HSF1: variants seen among roughly 807,000 people sequenced by gnomAD.
HSF1 encodes the protein heat shock factor protein 1.
Under a neutral mutation model 51.7 loss-of-function variants are expected in HSF1, and 32 were observed. The ratio of observed to expected loss-of-function variants is 0.62; its 90% CI spans 0.47 to 0.83. The LOEUF (loss-of-function observed/expected upper bound fraction) is 0.83, where lower values mean the gene tolerates loss of function less well. Among genes scored for constraint, HSF1 ranks in the 40% least tolerant of loss-of-function variants. The pLI is 0.00. For missense variants in HSF1, 727 were observed against 717.0 expected, an observed-to-expected ratio of 1.01 and a Z score of -0.16; for synonymous variants, 396 against 309.7, an observed-to-expected ratio of 1.28 and a Z score of -2.92.
intron 1 of HSF1, among the ~76,000 whole-genome samples, chr8:144,306,937 G>A (rs1221332368): frequency 1.3e-5 from 2 of 152,132 alleles, no homozygotes; most frequent in African/African-American, 2.4e-5. Flanking sequence ...GTGTGTGTGT[G>A]TTGGGGACGC....
chr8:144,295,653 A>G (rs988097683), intron 1 of HSF1, among the ~76,000 whole-genome samples: 1 of 151,520 alleles, frequency 6.6e-6, no homozygotes, highest in Non-Finnish European at 1.5e-5. Flanking sequence ...TCCCAGGCTC[A>G]AGTGATCCAG....
intron 9 of HSF1, chr8:144,312,949 G>T (rs782715632): frequency 1.7e-6 from 1 of 578,164 alleles, no homozygotes; most frequent in Non-Finnish European, 3.1e-6. Context: ...ACGGCCTCTG[G>T]TGTTGGCAGG....
In HSF1 at chr8:144,312,025, C is replaced by T. The variant is rs782539968; in HGVS notation, c.923C>T (p.Pro308Leu). ...KEEPPSPPQSPRVEEASPGRP... is the reference protein window; with the variant it reads ...KEEPPSPPQSLRVEEASPGRP... ...GAGCCCCCCAGCCCGCCTCAGAGCC[C>T]CCGGGTAGAGGAGGCGAGTCCCGGG... The change falls in exon 9 of 13, where the codon CCC becomes CTC. Residue 308 changes from proline to leucine, a missense_variant. Transcript: ENST00000528838. The T allele has an allele frequency of 6.2e-7, 1 of 1,607,722 alleles. No individual in the cohort carries two copies. Among genetic ancestry groups the T allele is most frequent in the South Asian group, 1.1e-5 (1 of 90,776 alleles).
chr8:144,311,290 G>C, intron 5 of HSF1, 31 bp from the exon 6 acceptor site: 1 of 1,613,442 alleles, frequency 6.2e-7, no homozygotes, highest in Non-Finnish European at 8.5e-7. Context: ...CCCCACAAGG[G>C]CCGGGGTAAC....
At position 144,313,829 on chromosome 8, in the gene HSF1, C is replaced by T. The variant is rs782007312; in HGVS notation, c.1249-17C>T. ...CCGCCCCCGGGTGCTGTTCTGACTT[C>T]CCTCCCTCCTCCGCAGCTGTTCAGC... On this transcript the variant is annotated splice_polypyrimidine_tract_variant and intron_variant, in intron 10 of 12. Coordinates refer to ENST00000528838, the MANE Select transcript of HSF1 (RefSeq NM_005526.4). The T allele has an allele frequency of 5.1e-6, 8 of 1,558,730 alleles. No homozygotes were observed. The highest frequency in any genetic ancestry group is 4.6e-5 in the East Asian group (2 of 43,246).
intron 9 of HSF1, chr8:144,312,512 C>T: frequency 4.1e-6 from 4 of 970,208 alleles, no homozygotes; most frequent in Non-Finnish European, 6.3e-6. Context: ...CGCCACAGGC[C>T]ACGGGCCCTG....
rs150095752 is a variant in HSF1 at position 144,298,693 on chromosome 8, C to G, written c.117+6819C>G. Among the ~76,000 whole-genome samples, 24 of 152,314 alleles carry G rather than the reference C, an allele frequency of 1.6e-4. 1 individual carries two copies. The East Asian group carries it at 4.6e-3, about 29-fold the overall frequency. On this transcript the variant is annotated intron_variant, in intron 1 of 12. Coordinates refer to ENST00000528838, the MANE Select transcript of HSF1 (RefSeq NM_005526.4). ...TTTATGTGGAGGGAATTTGCAGACT[C>G]ACGTGCAGAGAACCCAACAAACCCA...
intron 2 of HSF1, 64 bp downstream of exon 2, chr8:144,309,078 G>A: frequency 8.0e-7 from 1 of 1,243,450 alleles, no homozygotes; most frequent in South Asian, 1.2e-5. Context: ...CGGGACCCCA[G>A]CAGGAGGACC....
chr8:144,312,758 C>G (rs373583216), intron 9 of HSF1: 2 of 1,476,202 alleles, frequency 1.4e-6, no homozygotes, highest in East Asian at 2.5e-5. Context: ...TGCCAGCGCT[C>G]GGGCCCTCCC....
At chr8:144,309,714 C>T (rs1554843952) in intron 3 of HSF1, 58 bp from the exon 4 acceptor site, 3 of 1,602,614 alleles carry the variant, frequency 1.9e-6, no homozygotes, top group East Asian at 2.2e-5. Flanking sequence ...GTGGACGAGC[C>T]TGAGCCTGCC....
rs1815569036 is a variant in HSF1 at position 144,297,807 on chromosome 8, G to A, written c.117+5933G>A. 6.6e-6 allele frequency among the ~76,000 whole-genome samples: 1 copy of A among 152,240 alleles called. No homozygotes were observed. The highest frequency in any genetic ancestry group is 6.5e-5 in the Admixed American group (1 of 15,284). On this transcript the variant is annotated intron_variant, in intron 1 of 12. Transcript: ENST00000528838. The surrounding 1 kb of genome is among the most constrained non-coding windows in gnomAD (Gnocchi z 4.6). Reference sequence around the variant, plus strand: ...CTGGAACAAGAGGCTTGTGGCCTGGGCTGTGGGGCCACCTTGTAGAATACG... The same window carrying A: ...CTGGAACAAGAGGCTTGTGGCCTGGACTGTGGGGCCACCTTGTAGAATACG...
intron 1 of HSF1, among the ~76,000 whole-genome samples, chr8:144,304,367 T>C (rs1290926104): frequency 6.6e-6 from 1 of 152,258 alleles, no homozygotes; most frequent in African/African-American, 2.4e-5. Flanking sequence ...TCACAGGAAG[T>C]ACTTCCATGA....
chr8:144,306,123 A>G (rs1816214771), intron 1 of HSF1, among the ~76,000 whole-genome samples: 1 of 152,036 alleles, frequency 6.6e-6, no homozygotes, highest in Admixed American at 6.6e-5. Context: ...CTTTATTGAT[A>G]CTCTCTGATA....
rs781916499 is a variant in HSF1 at position 144,313,513 on chromosome 8, A to G, written c.1145A>G (p.Asn382Ser). 1 of 1,602,312 alleles carries G rather than the reference A, an allele frequency of 6.2e-7. No individual in the cohort carries two copies. The highest frequency in any genetic ancestry group is 1.1e-5 in the South Asian group (1 of 90,894). ...GGTACCGCCTTATCCCGGGCCAGGAATGAGCTCAGTGACCACTTGGATGCT... is the reference window on the plus strand; with the variant it reads ...GGTACCGCCTTATCCCGGGCCAGGAGTGAGCTCAGTGACCACTTGGATGCT... Reference protein sequence around the residue: ...KCLSVACLDKNELSDHLDAMD... With the variant: ...KCLSVACLDKSELSDHLDAMD... Residue 382 changes from asparagine (N) to serine (S), a missense_variant and splice_region_variant, in exon 10 of 13, where the codon AAT becomes AGT. Physicochemically the swap from Asn to Ser is conservative, Grantham distance 46 (BLOSUM62 1). Transcript: ENST00000528838.
chr8:144,301,513 T>C (rs1214522718), intron 1 of HSF1, among the ~76,000 whole-genome samples: 4 of 151,998 alleles, frequency 2.6e-5, no homozygotes, highest in African/African-American at 7.3e-5. Context: ...ACCAAAACCA[T>C]ATCAAGGTAC....
rs541862486 is a variant in HSF1, at chr8:144,311,571, G to T, written c.693G>T (p.Leu231=). Residue 231 remains leucine (L), a synonymous_variant, in exon 7 of 13, where the codon CTG becomes CTT. Coordinates refer to ENST00000528838, the MANE Select transcript of HSF1 (RefSeq NM_005526.4). ...CCAAGTATAGCCGGCAGTTCTCCCT[G>T]GAGCACGTCCACGGCTCGGGCCCCT... ...SMPKYSRQFS[L]EHVHGSGPYS... 3.7e-5 allele frequency: 59 copies of T among 1,613,576 alleles called. No homozygotes were observed. The highest frequency in any genetic ancestry group is 4.7e-5 in the Non-Finnish European group (56 of 1,179,984).
intron 4 of HSF1, 65 bp from the exon 5 acceptor site, chr8:144,311,109 T>C: frequency 6.8e-7 from 1 of 1,460,114 alleles, no homozygotes; most frequent in Non-Finnish European, 9.4e-7. Flanking sequence ...GGAGGGTCTG[T>C]GGGGCTCCCT....
At chr8:144,301,605 G>A (rs560321857) in intron 1 of HSF1, among the ~76,000 whole-genome samples, 5 of 152,074 alleles carry the variant, frequency 3.3e-5, no homozygotes, top group Admixed American at 1.3e-4. Flanking sequence ...GGTGGCTCAC[G>A]CCTGTAATCC....
chr8:144,311,371 G>A lies in HSF1; in HGVS notation c.615G>A (p.Val205=). ...TGCAGTCAAACCGGATCCTGGGGGTGAAGAGAAAGATGTGAGGTTTTGGGG... is the reference window on the plus strand; with the variant it reads ...TGCAGTCAAACCGGATCCTGGGGGTAAAGAGAAAGATGTGAGGTTTTGGGG... ...SLVQSNRILG[V]KRKIPLMLND... The change falls in exon 6 of 13, where the codon GTG becomes GTA. Residue 205 remains valine, a synonymous_variant. Coordinates refer to ENST00000528838, the MANE Select transcript of HSF1 (RefSeq NM_005526.4). 1.2e-6 allele frequency: 2 copies of A among 1,614,024 alleles called. No individual in the cohort carries two copies. Among genetic ancestry groups the A allele is most frequent in the Non-Finnish European group, 1.7e-6 (2 of 1,180,012 alleles).
Sources: allele counts gnomAD v4.1 joint callset (sites outside exome capture counted in the v4.1 genomes callset), GRCh38; gene constraint gnomAD v4.1.1; non-coding constraint Gnocchi (gnomAD v3.1); transcripts MANE v1.5; gene names NCBI Gene and HGNC (gene_info 2026-07-23, HGNC 2026-07-21).